The following SRD5A2 variants were observed in gnomAD, a reference collection of about 807,000 sequenced individuals.
SRD5A2 encodes 3-oxo-5-alpha-steroid 4-dehydrogenase 2.
A neutral mutation model predicts 27.4 loss-of-function variants in SRD5A2; 30 were observed. The observed-to-expected ratio is 1.10, with a 90% CI of 0.82 to 1.49. SRD5A2 has a LOEUF of 1.49. SRD5A2 is among the 40% of genes most tolerant of loss of function. The pLI is 0.00. For synonymous variants in SRD5A2, 141 were observed against 133.6 expected, an observed-to-expected ratio of 1.06 and a Z score of -0.38; for missense variants, 348 against 323.4, an observed-to-expected ratio of 1.08 and a Z score of -0.58.
At chr2:31,627,205 T>C in the SRD5A2 span, among the ~76,000 whole-genome samples, 1 of 152,132 alleles carries the variant, frequency 6.6e-6, no homozygotes, top group South Asian at 2.1e-4. Flanking sequence ...AGTGGTGATA[T>C]CCTCTTTATG....
At chr2:31,624,349 CT>C in the SRD5A2 span, among the ~76,000 whole-genome samples, 5 of 151,918 alleles carry the variant, frequency 3.3e-5, no homozygotes, top group Non-Finnish European at 5.9e-5. Context: ...TTTTTAACTT[CT>C]TTTTTTAATT....
chr2:31,620,341 A>G, the SRD5A2 span, among the ~76,000 whole-genome samples: 1 of 152,106 alleles, frequency 6.6e-6, no homozygotes, highest in African/African-American at 2.4e-5. Context: ...GGCCAGGGCA[A>G]TGAGGCAAGA....
the SRD5A2 span, among the ~76,000 whole-genome samples, chr2:31,657,282 A>G: frequency 1.3e-5 from 2 of 152,240 alleles, no homozygotes; most frequent in Non-Finnish European, 2.9e-5. Context: ...AAATCCTTCT[A>G]GACTATCTTC....
chr2:31,604,435 C>T, the SRD5A2 span, among the ~76,000 whole-genome samples: 2 of 151,712 alleles, frequency 1.3e-5, no homozygotes, highest in Non-Finnish European at 2.9e-5. Context: ...AATATTAGAT[C>T]TGATAAACAA....
chr2:31,649,984 G>GATTA, the SRD5A2 span, among the ~76,000 whole-genome samples: 1 of 132,076 alleles, frequency 7.6e-6, no homozygotes, highest in African/African-American at 2.8e-5. Flanking sequence ...TAGATTGATT[G>GATTA]ATTAGATTAA....
the SRD5A2 span, among the ~76,000 whole-genome samples, chr2:31,657,371 T>G: frequency 6.6e-6 from 1 of 152,250 alleles, no homozygotes; most frequent in Admixed American, 6.5e-5. Context: ...TATTTGAATT[T>G]AATGATTTAT....
At chr2:31,660,625 G>A in the SRD5A2 span, among the ~76,000 whole-genome samples, 2 of 151,684 alleles carry the variant, frequency 1.3e-5, no homozygotes, top group African/African-American at 2.4e-5. Context: ...CACAGGTGGG[G>A]GCAGCAGGTG....
chr2:31,652,431 A>AT, the SRD5A2 span, among the ~76,000 whole-genome samples: 1 of 151,954 alleles, frequency 6.6e-6, no homozygotes, highest in African/African-American at 2.4e-5. Context: ...TTCCAGCTAT[A>AT]TTTTTTCTAA....
At chr2:31,625,651 G>C in the SRD5A2 span, among the ~76,000 whole-genome samples, 1 of 152,118 alleles carries the variant, frequency 6.6e-6, no homozygotes, top group Non-Finnish European at 1.5e-5. Flanking sequence ...TGTCAGGTTT[G>C]TCAAAGATCA....
At chr2:31,586,102 G>T in the SRD5A2 span, among the ~76,000 whole-genome samples, 1 of 152,104 alleles carries the variant, frequency 6.6e-6, no homozygotes, top group African/African-American at 2.4e-5. Context: ...TGGTTACACA[G>T]ATAAGTTCTT....
chr2:31,534,923 T>A (rs1665994872), intron 1 of SRD5A2, among the ~76,000 whole-genome samples: 1 of 152,218 alleles, frequency 6.6e-6, no homozygotes, highest in Admixed American at 6.5e-5. Context: ...GCTGTGAGGA[T>A]GAAATTATCT....
chr2:31,656,344 T>A, the SRD5A2 span, among the ~76,000 whole-genome samples: 1 of 152,324 alleles, frequency 6.6e-6, no homozygotes, highest in South Asian at 2.1e-4. Flanking sequence ...CTACTCAACC[T>A]CCTTTGATCA....
chr2:31,559,838 AC>A (rs1558368799), intron 1 of SRD5A2, among the ~76,000 whole-genome samples: 22,924 of 145,954 alleles, frequency 0.16, 2,150 homozygotes, highest in Non-Finnish European at 0.2. Flanking sequence ...AAACAAACCC[AC>A]ACACACACAC....
At chr2:31,527,880 G>A (rs1362302011) in intron 4 of SRD5A2, among the ~76,000 whole-genome samples, 1 of 152,152 alleles carries the variant, frequency 6.6e-6, no homozygotes, top group Non-Finnish European at 1.5e-5. Flanking sequence ...TCAAAACTAG[G>A]CATTGAGTCA....
At chr2:31,649,028 T>C in the SRD5A2 span, among the ~76,000 whole-genome samples, 122 of 152,326 alleles carry the variant, frequency 8.0e-4, no homozygotes, top group Non-Finnish European at 1.4e-3. Flanking sequence ...TCATGCCCTC[T>C]AAATTATCAG....
chr2:31,608,337 C>A, the SRD5A2 span, among the ~76,000 whole-genome samples: 18 of 150,992 alleles, frequency 1.2e-4, no homozygotes, highest in African/African-American at 4.4e-4. Flanking sequence ...CTAAAGCACC[C>A]CTATAAAATG....
At chr2:31,545,676 A>C (rs1171004683) in intron 1 of SRD5A2, among the ~76,000 whole-genome samples, 2 of 152,190 alleles carry the variant, frequency 1.3e-5, no homozygotes, top group African/African-American at 4.8e-5. Flanking sequence ...TGCTTTTGCC[A>C]TTTCTATTCA....
the SRD5A2 span, among the ~76,000 whole-genome samples, chr2:31,605,461 T>C: frequency 6.8e-6 from 1 of 146,334 alleles, no homozygotes; most frequent in African/African-American, 2.6e-5. Flanking sequence ...AAAAACCTAA[T>C]AACTCAATTA....
At chr2:31,621,423 A>G in the SRD5A2 span, among the ~76,000 whole-genome samples, 1 of 152,124 alleles carries the variant, frequency 6.6e-6, no homozygotes, top group East Asian at 1.9e-4. Flanking sequence ...TCATCCATGT[A>G]GTATAAATAT....
Sources: gnomAD v4.1 joint callset for allele counts (sites outside exome capture counted in the v4.1 genomes callset) on GRCh38, gnomAD v4.1.1 for gene constraint, MANE v1.5 for transcripts, NCBI Gene and HGNC (gene_info 2026-07-23, HGNC 2026-07-21) for gene names.